Variants in ARHGAP28 observed in about 807,000 individuals in gnomAD.
The protein encoded by ARHGAP28 is rho GTPase-activating protein 28.
A neutral mutation model predicts 90.7 loss-of-function variants in ARHGAP28; 56 were observed. The observed-to-expected ratio is 0.62, with a 90% CI of 0.50 to 0.77. ARHGAP28 has a LOEUF of 0.77. Ranked by LOEUF, ARHGAP28 falls within the 30% of genes least tolerant of loss-of-function variation. The pLI is 0.00. For missense variants in ARHGAP28, 869 were observed against 900.9 expected, an observed-to-expected ratio of 0.96 and a Z score of 0.45; for synonymous variants, 308 against 323.3, an observed-to-expected ratio of 0.95 and a Z score of 0.51.
At chr18:6,876,430 A>G (rs2057131496) in intron 10 of ARHGAP28, among the ~76,000 whole-genome samples, 1 of 152,254 alleles carries the variant, frequency 6.6e-6, no homozygotes, top group African/African-American at 2.4e-5. Flanking sequence ...AAAAACAACA[A>G]TGAAATAGCA....
chr18:6,811,286 T>TA (rs1360549417), intron 1 of ARHGAP28, among the ~76,000 whole-genome samples: 1 of 152,164 alleles, frequency 6.6e-6, no homozygotes, highest in Non-Finnish European at 1.5e-5. Flanking sequence ...ATAAAACATC[T>TA]AAAATCATTG....
rs72876547 is a variant in ARHGAP28 at position 6,845,124 on chromosome 18, G to A, written c.544-5910G>A. Among the ~76,000 whole-genome samples, 1,222 of 152,216 alleles carry A rather than the reference G, an allele frequency of 8.0e-3. 8 individuals carry two copies. Among genetic ancestry groups the A allele is most frequent in the Non-Finnish European group, 0.013 (916 of 68,008 alleles). On this transcript the variant is annotated intron_variant, in intron 3 of 17. Transcript: ENST00000383472. ...GAGACTGGGTCTTGCTGTCACCCAG[G>A]CTGCAGTGCAGTTGCACAGTCGTAG...
intron 4 of ARHGAP28, among the ~76,000 whole-genome samples, chr18:6,853,776 A>G (rs2056929720): frequency 6.6e-6 from 1 of 152,152 alleles, no homozygotes; most frequent in Non-Finnish European, 1.5e-5. Context: ...TGCCCAGCCC[A>G]TTCAGAAAAT....
In ARHGAP28 at chr18:6,914,587, CT is replaced by C. The variant is rs2057414151; in HGVS notation, c.*2435del. On this transcript the variant is annotated 3_prime_UTR_variant, in exon 18 of 18. Coordinates refer to ENST00000383472, the MANE Select transcript of ARHGAP28 (RefSeq NM_001366230.1). The stretch of plus-strand genomic sequence containing the variant: ...ATCTAAGTATTGAAAGAATTTTTGC[CT>C]TATCAAGAGTTGTTTTTTAAAAATT... 2.0e-5 allele frequency: 1 copy of C among 50,510 alleles called. No homozygotes were observed. Among genetic ancestry groups the C allele is most frequent in the African/African-American group, 6.4e-5 (1 of 15,584 alleles). 3.1% of individuals were successfully genotyped at this position (50,510 alleles called of 1,614,324 possible). A position where few individuals can be genotyped will look rare whatever the true frequency, so the allele number is the denominator to read the frequency against.
At chr18:6,810,735 A>G (rs1041229646) in intron 1 of ARHGAP28, among the ~76,000 whole-genome samples, 5 of 152,152 alleles carry the variant, frequency 3.3e-5, no homozygotes, top group Non-Finnish European at 5.9e-5. Context: ...TAGAGTATGA[A>G]GAGCTGTGTG....
chr18:6,786,862 T>A (rs1052682168), intron 1 of ARHGAP28, among the ~76,000 whole-genome samples: 2 of 152,142 alleles, frequency 1.3e-5, no homozygotes, highest in Non-Finnish European at 2.9e-5. Context: ...AAGTTTTTTA[T>A]TTTCTAGGCT....
chr18:6,763,823 C>T (rs144584370), intron 1 of ARHGAP28, among the ~76,000 whole-genome samples: 9 of 152,338 alleles, frequency 5.9e-5, no homozygotes, highest in Non-Finnish European at 1.2e-4. Flanking sequence ...AGCCGAAGTG[C>T]AGCGGAGAGG....
chr18:6,739,809 AT>A (rs1236912359), intron 1 of ARHGAP28, among the ~76,000 whole-genome samples: 30 of 149,086 alleles, frequency 2.0e-4, no homozygotes, highest in Admixed American at 1.9e-3. Flanking sequence ...AGTTAAAAAC[AT>A]TTTTTTGTTT....
chr18:6,833,531 G>A (rs911491924), intron 2 of ARHGAP28, among the ~76,000 whole-genome samples: 1 of 151,772 alleles, frequency 6.6e-6, no homozygotes, highest in African/African-American at 2.4e-5. Context: ...AAAATTGCAG[G>A]TAATTTTATA....
At chr18:6,801,174 T>C (rs942381682) in intron 1 of ARHGAP28, among the ~76,000 whole-genome samples, 4 of 152,220 alleles carry the variant, frequency 2.6e-5, no homozygotes, top group African/African-American at 9.6e-5. Flanking sequence ...TTCATTTTTG[T>C]ATATGGTGTG....
chr18:6,910,728 GTAAACCCA>G (rs2057391820), intron 17 of ARHGAP28, among the ~76,000 whole-genome samples: 7 of 152,090 alleles, frequency 4.6e-5, no homozygotes, highest in Admixed American at 4.6e-4. Flanking sequence ...AGACATGGCT[GTAAACCCA>G]GCCCCTAGAA....
At chr18:6,899,413 C>T (rs2057326500) in intron 16 of ARHGAP28, among the ~76,000 whole-genome samples, 1 of 152,178 alleles carries the variant, frequency 6.6e-6, no homozygotes, top group African/African-American at 2.4e-5. Flanking sequence ...CAACCTGCAA[C>T]TGACAACAGG....
chr18:6,878,693 T>G (rs1008048579), intron 10 of ARHGAP28, among the ~76,000 whole-genome samples: 15 of 152,222 alleles, frequency 9.9e-5, no homozygotes, highest in African/African-American at 3.6e-4. Flanking sequence ...TTATGTAGTT[T>G]CAGCCTAATT....
At chr18:6,898,699 T>C in intron 16 of ARHGAP28, 1 of 1,406,220 alleles carries the variant, frequency 7.1e-7, no homozygotes, top group Non-Finnish European at 9.3e-7. Context: ...AAAATGTTTC[T>C]AATAAAAATG....
intron 1 of ARHGAP28, among the ~76,000 whole-genome samples, chr18:6,730,787 ACTAT>A (rs2055874370): frequency 6.6e-6 from 1 of 152,188 alleles, no homozygotes; most frequent in African/African-American, 2.4e-5. Flanking sequence ...TGTAAATGTG[ACTAT>A]CTGATCCACT....
chr18:6,777,302 G>A (rs1477096124), intron 1 of ARHGAP28, among the ~76,000 whole-genome samples: 3 of 152,188 alleles, frequency 2.0e-5, no homozygotes, highest in Non-Finnish European at 4.4e-5. Context: ...TGCCATTACT[G>A]AGACTGGGAA....
intron 1 of ARHGAP28, among the ~76,000 whole-genome samples, chr18:6,791,964 A>G (rs553198007): frequency 2.0e-5 from 3 of 151,922 alleles, no homozygotes; most frequent in Non-Finnish European, 4.4e-5. Flanking sequence ...ATGCCCGGCT[A>G]ATTTTTGTAT....
intron 1 of ARHGAP28, among the ~76,000 whole-genome samples, chr18:6,804,621 A>G (rs1053485554): frequency 2.6e-5 from 4 of 152,160 alleles, no homozygotes; most frequent in African/African-American, 9.6e-5. Context: ...CATTTTTAAT[A>G]CTTTTACACT....
intron 1 of ARHGAP28, among the ~76,000 whole-genome samples, chr18:6,786,274 T>C (rs1422959398): frequency 1.3e-5 from 2 of 152,190 alleles, no homozygotes; most frequent in Non-Finnish European, 2.9e-5. Context: ...TATTTTTCCT[T>C]TTCTTTAGTT....
Sources: gnomAD v4.1 joint callset for allele counts (sites outside exome capture counted in the v4.1 genomes callset) on GRCh38, gnomAD v4.1.1 for gene constraint, MANE v1.5 for transcripts, NCBI Gene and HGNC (gene_info 2026-07-23, HGNC 2026-07-21) for gene names.